Variants in CDH13 observed in about 807,000 individuals in gnomAD.
CDH13 encodes cadherin 13.
CDH13 carries 24 observed loss-of-function variants against 63.8 expected under a neutral mutation model. The observed-to-expected ratio is 0.38, with a 90% CI of 0.27 to 0.53. The LOEUF (loss-of-function observed/expected upper bound fraction) is 0.53. CDH13 is among the 20% of genes least tolerant of loss of function. The pLI, the probability that CDH13 is intolerant of heterozygous loss-of-function variation, is 0.85. For missense variants in CDH13, 1,049 were observed against 903.1 expected (o/e 1.16, Z -2.07); for synonymous variants, 503 against 355.3 (o/e 1.42, Z -4.67).
At chr16:83,265,428 G>C (rs1373626820) in intron 5 of CDH13, among the ~76,000 whole-genome samples, 1 of 152,132 alleles carries the variant, frequency 6.6e-6, no homozygotes, top group African/African-American at 2.4e-5. Flanking sequence ...AATAGATGAT[G>C]AACTTGGAAG....
At chr16:83,232,269 A>C (rs2040020648) in intron 5 of CDH13, among the ~76,000 whole-genome samples, 1 of 131,882 alleles carries the variant, frequency 7.6e-6, no homozygotes, top group South Asian at 2.5e-4. Flanking sequence ...TCATGCCTGT[A>C]ATCTGAGTGC....
intron 6 of CDH13, chr16:83,398,234 G>C (rs2091916632): frequency 6.6e-6 from 1 of 152,130 alleles, no homozygotes; most frequent in South Asian, 2.1e-4. Flanking sequence ...TTATTCTCTA[G>C]CTTCTGGAAG....
At chr16:83,405,997 C>T (rs1184622043) in intron 6 of CDH13, among the ~76,000 whole-genome samples, 2 of 152,230 alleles carry the variant, frequency 1.3e-5, no homozygotes, top group Non-Finnish European at 2.9e-5. Flanking sequence ...GCTGCAGCTG[C>T]ATTGGGCACT....
At chr16:83,447,148 C>A (rs552158133) in intron 6 of CDH13, among the ~76,000 whole-genome samples, 1 of 89,360 alleles carries the variant, frequency 1.1e-5, no homozygotes, top group Non-Finnish European at 2.2e-5. Context: ...GATGCGGTGG[C>A]TCACGCCTGT....
At chr16:83,410,709 A>T (rs938510727) in intron 6 of CDH13, among the ~76,000 whole-genome samples, 24 of 152,112 alleles carry the variant, frequency 1.6e-4, no homozygotes, top group African/African-American at 5.1e-4. Flanking sequence ...TCTCCATTGA[A>T]CTTTTCTGAA....
At chr16:82,808,550 C>T (rs183071208) in intron 1 of CDH13, among the ~76,000 whole-genome samples, 8 of 152,264 alleles carry the variant, frequency 5.3e-5, no homozygotes, top group Admixed American at 1.3e-4. Context: ...GTGATAGGTA[C>T]ACAAGGACAT....
At chr16:82,728,387 C>T (rs1047680753) in intron 1 of CDH13, among the ~76,000 whole-genome samples, 2 of 152,030 alleles carry the variant, frequency 1.3e-5, no homozygotes, top group African/African-American at 2.4e-5. Flanking sequence ...AGAGATATTG[C>T]AGGTTTGGTT....
chr16:83,188,865 T>C (rs1307513977), intron 4 of CDH13, among the ~76,000 whole-genome samples: 1 of 152,166 alleles, frequency 6.6e-6, no homozygotes, highest in Non-Finnish European at 1.5e-5. Flanking sequence ...CTTTCTCCTG[T>C]AGTCGGGGTG....
chr16:83,256,453 G>A (rs1327683226), intron 5 of CDH13, among the ~76,000 whole-genome samples: 1 of 152,054 alleles, frequency 6.6e-6, no homozygotes, highest in Admixed American at 6.6e-5. Context: ...GAGGCTACAA[G>A]AGCATTAGAG....
At chr16:83,101,623 A>G (rs887077001) in intron 3 of CDH13, among the ~76,000 whole-genome samples, 1 of 152,070 alleles carries the variant, frequency 6.6e-6, no homozygotes, top group Non-Finnish European at 1.5e-5. Context: ...GCCAAACCCC[A>G]TCTCTACTAA....
At chr16:83,625,958 C>T (rs932443723) in intron 8 of CDH13, among the ~76,000 whole-genome samples, 5 of 151,560 alleles carry the variant, frequency 3.3e-5, no homozygotes, top group South Asian at 2.1e-4. Flanking sequence ...CCTGGGAGTC[C>T]GATGCAGCAA....
chr16:83,661,475 C>G (rs1913437773), intron 8 of CDH13, among the ~76,000 whole-genome samples: 1 of 143,814 alleles, frequency 7.0e-6, no homozygotes, highest in South Asian at 2.2e-4. Flanking sequence ...AGAGCGAGAC[C>G]CTGTCTCAAA....
At chr16:83,679,408 G>A (rs991629660) in intron 10 of CDH13, among the ~76,000 whole-genome samples, 3 of 152,218 alleles carry the variant, frequency 2.0e-5, no homozygotes, top group Non-Finnish European at 4.4e-5. Flanking sequence ...ACGAACATGT[G>A]TCTGATTTTC....
chr16:82,837,863 T>C (rs1298698863), intron 1 of CDH13, among the ~76,000 whole-genome samples: 1 of 152,206 alleles, frequency 6.6e-6, no homozygotes, highest in African/African-American at 2.4e-5. Context: ...TCTTACCAGT[T>C]ATGGGCATGG....
chr16:83,346,352 C>T (rs191556643), intron 6 of CDH13, among the ~76,000 whole-genome samples: 6 of 152,246 alleles, frequency 3.9e-5, no homozygotes, highest in East Asian at 3.9e-4. Flanking sequence ...CCTAGAATTT[C>T]GGTTTGATGT....
intron 3 of CDH13, among the ~76,000 whole-genome samples, chr16:83,124,347 A>G (rs1485632566): frequency 6.6e-6 from 1 of 152,096 alleles, no homozygotes; most frequent in Non-Finnish European, 1.5e-5. Flanking sequence ...CACCCGGCCT[A>G]CCCACTTTTA....
intron 6 of CDH13, among the ~76,000 whole-genome samples, chr16:83,463,412 C>T (rs1414221804): frequency 6.6e-6 from 1 of 152,206 alleles, no homozygotes; most frequent in African/African-American, 2.4e-5. Context: ...GGCATTCAGG[C>T]TGACAGAGTG....
chr16:83,433,400 A>C (rs2072187244), intron 6 of CDH13, among the ~76,000 whole-genome samples: 1 of 152,218 alleles, frequency 6.6e-6, no homozygotes, highest in Non-Finnish European at 1.5e-5. Context: ...TGTGACTTCT[A>C]ATTCAGCATT....
At chr16:82,970,975 C>T (rs1011927571) in intron 2 of CDH13, among the ~76,000 whole-genome samples, 1 of 152,168 alleles carries the variant, frequency 6.6e-6, no homozygotes, top group Admixed American at 6.5e-5. Context: ...AAAGGTTTCA[C>T]ATAGACTAGG....
Sources: allele counts gnomAD v4.1 joint callset (sites outside exome capture counted in the v4.1 genomes callset), GRCh38; gene constraint gnomAD v4.1.1; transcripts MANE v1.5; gene names NCBI Gene and HGNC (gene_info 2026-07-23, HGNC 2026-07-21).